Variants in CSGALNACT1 observed in about 807,000 individuals in gnomAD.
The protein encoded by CSGALNACT1 is chondroitin sulfate N-acetylgalactosaminyltransferase 1.
CSGALNACT1 carries 52 observed loss-of-function variants against 51.0 expected under a neutral mutation model. The ratio of observed to expected loss-of-function variants is 1.02; its 90% CI spans 0.82 to 1.29. The LOEUF (loss-of-function observed/expected upper bound fraction) is 1.29. Ranked by LOEUF, CSGALNACT1 falls within the 50% of genes most tolerant of loss-of-function variation. The pLI is 0.00. For synonymous variants in CSGALNACT1, 341 were observed against 254.4 expected (o/e 1.34, Z -3.24); for missense variants, 935 against 679.2 (o/e 1.38, Z -4.19).
rs142588427 is a variant in CSGALNACT1 at position 19,757,030 on chromosome 8, G to T, written c.-297+820C>A. 6.6e-6 allele frequency among the ~76,000 whole-genome samples: 1 copy of T among 150,680 alleles called. No individual in the cohort carries two copies. Among genetic ancestry groups the T allele is most frequent in the Non-Finnish European group, 1.5e-5 (1 of 67,562 alleles). On this transcript the variant is annotated intron_variant, in intron 1 of 1. Coordinates refer to the CSGALNACT1 transcript ENST00000517494. This position sits in a 1 kb window ranked among gnomAD's most constrained non-coding sequence, Gnocchi z 4.0. ...GCGGGCAGCGGCGGAGGGAGGCCAG[G>T]CGCGGCACCGTCCTCCGCAGCTGCA...
At chr8:19,439,593 G>A (rs554182912) in intron 6 of CSGALNACT1, among the ~76,000 whole-genome samples, 8 of 152,314 alleles carry the variant, frequency 5.3e-5, no homozygotes, top group African/African-American at 1.4e-4. Context: ...CCTGCTGTGC[G>A]CAGTTTATCT....
At chr8:19,516,860 C>T (rs1372098101) in intron 3 of CSGALNACT1, among the ~76,000 whole-genome samples, 4 of 152,144 alleles carry the variant, frequency 2.6e-5, no homozygotes, top group South Asian at 2.1e-4. Flanking sequence ...GTGAACACAG[C>T]GGCCACGGCA....
intron 1 of CSGALNACT1, among the ~76,000 whole-genome samples, chr8:19,631,016 A>G (rs150025242): frequency 1.3e-5 from 2 of 152,282 alleles, no homozygotes; most frequent in East Asian, 1.9e-4. Context: ...GGTTTTGACA[A>G]TTGTATAATG....
At chr8:19,559,762 G>A (rs2040289657) in intron 3 of CSGALNACT1, among the ~76,000 whole-genome samples, 1 of 152,154 alleles carries the variant, frequency 6.6e-6, no homozygotes, top group Non-Finnish European at 1.5e-5. Flanking sequence ...CTCTGAGGAA[G>A]AAAACAATAA....
intron 5 of CSGALNACT1, among the ~76,000 whole-genome samples, chr8:19,443,150 C>T (rs2061587850): frequency 6.6e-6 from 1 of 152,134 alleles, no homozygotes; most frequent in African/African-American, 2.4e-5. Context: ...TGTGTTTTGC[C>T]CATGTCCTGT....
chr8:19,668,097 C>T (rs2059526881), intron 1 of CSGALNACT1, among the ~76,000 whole-genome samples: 1 of 151,218 alleles, frequency 6.6e-6, no homozygotes, highest in Non-Finnish European at 1.5e-5. Flanking sequence ...CAACTGGCTC[C>T]CAAATATGAA....
intron 2 of CSGALNACT1, among the ~76,000 whole-genome samples, chr8:19,599,436 A>C (rs1336531814): frequency 2.7e-5 from 4 of 147,182 alleles, no homozygotes; most frequent in Non-Finnish European, 5.9e-5. Context: ...AAGGAAAGGA[A>C]GAAAGAAAAA....
At chr8:19,663,393 CT>C (rs1209384240) in intron 1 of CSGALNACT1, among the ~76,000 whole-genome samples, 1 of 152,200 alleles carries the variant, frequency 6.6e-6, no homozygotes, top group East Asian at 1.9e-4. Flanking sequence ...ATAAAACTTA[CT>C]GAAAAATCAC....
intron 1 of CSGALNACT1, among the ~76,000 whole-genome samples, chr8:19,649,819 C>CAAAAAAAAAAAA (rs57549612): frequency 0.025 from 723 of 29,410 alleles, 236 homozygotes; most frequent in East Asian, 0.05. Flanking sequence ...TTCCAAGTAG[C>CAAAAAAAAAAAA]AAAAAAAAAA....
At chr8:19,473,225 C>T (rs371466479) in intron 4 of CSGALNACT1, among the ~76,000 whole-genome samples, 9 of 152,124 alleles carry the variant, frequency 5.9e-5, no homozygotes, top group African/African-American at 2.2e-4. Context: ...CGGGTCAAGG[C>T]AATGTTTTAG....
intron 2 of CSGALNACT1, among the ~76,000 whole-genome samples, chr8:19,596,413 C>T (rs988030933): frequency 2.0e-5 from 3 of 152,086 alleles, no homozygotes; most frequent in Admixed American, 6.5e-5. Context: ...GAGTGTGTCA[C>T]GCCCTCTGCT....
upstream of CSGALNACT1, among the ~76,000 whole-genome samples, chr8:19,685,597 T>C (rs1333998237): frequency 6.6e-6 from 1 of 152,262 alleles, no homozygotes; most frequent in Non-Finnish European, 1.5e-5. Flanking sequence ...AGGAACGGTT[T>C]CAAAGTACAG....
At chr8:19,728,019 G>A (rs1242806263) in intron 1 of CSGALNACT1, among the ~76,000 whole-genome samples, 3 of 152,148 alleles carry the variant, frequency 2.0e-5, no homozygotes, top group Non-Finnish European at 2.9e-5. Context: ...TTCTACGCGC[G>A]ATGCTCTGAG....
intron 7 of CSGALNACT1, 56 bp from the exon 7 acceptor site, chr8:19,418,806 G>C: frequency 7.8e-7 from 1 of 1,274,838 alleles, no homozygotes; most frequent in East Asian, 2.3e-5. Context: ...TAGTAGGTTT[G>C]TTCCTTGACA....
At chr8:19,532,244 G>A (rs1226517760) in intron 3 of CSGALNACT1, among the ~76,000 whole-genome samples, 3 of 151,350 alleles carry the variant, frequency 2.0e-5, no homozygotes, top group African/African-American at 7.3e-5. Flanking sequence ...TTTTGATCCT[G>A]GAAGCCCAGC....
intron 8 of CSGALNACT1, among the ~76,000 whole-genome samples, chr8:19,415,720 A>G (rs959572259): frequency 1.3e-5 from 2 of 152,236 alleles, no homozygotes; most frequent in African/African-American, 4.8e-5. Context: ...ATCACATTCT[A>G]TGTCAAATGC....
chr8:19,486,443 T>C (rs561958855), intron 4 of CSGALNACT1, among the ~76,000 whole-genome samples: 174 of 152,308 alleles, frequency 1.1e-3, no homozygotes, highest in Non-Finnish European at 2.0e-3. Flanking sequence ...CCCGGGTCTA[T>C]GAGGCTCACA....
At chr8:19,610,810 C>T (rs1050063292) in intron 1 of CSGALNACT1, among the ~76,000 whole-genome samples, 5 of 152,228 alleles carry the variant, frequency 3.3e-5, no homozygotes, top group Non-Finnish European at 5.9e-5. Context: ...AACCGGGATA[C>T]GGAAAGCCCT....
At chr8:19,436,152 AAAC>A (rs556365232) in intron 6 of CSGALNACT1, among the ~76,000 whole-genome samples, 42 of 152,352 alleles carry the variant, frequency 2.8e-4, no homozygotes, top group African/African-American at 9.4e-4. Context: ...ACTGGTCACT[AAAC>A]AAGATTTTTA....
Sources: gnomAD v4.1 joint callset for allele counts (sites outside exome capture counted in the v4.1 genomes callset) on GRCh38, gnomAD v4.1.1 for gene constraint, Gnocchi (gnomAD v3.1) non-coding constraint, MANE v1.5 for transcripts, NCBI Gene and HGNC (gene_info 2026-07-23, HGNC 2026-07-21) for gene names.